Variants in SNTG2 observed in about 807,000 individuals in gnomAD.
SNTG2 encodes syntrophin gamma 2, also known as gamma-2-syntrophin.
SNTG2 carries 74 observed loss-of-function variants against 70.9 expected under a neutral mutation model. The observed-to-expected ratio is 1.04, with a 90% CI of 0.86 to 1.27. SNTG2 has a LOEUF of 1.27. Among genes scored for constraint, SNTG2 ranks in the 50% most tolerant of loss-of-function variants. The probability of loss-of-function intolerance (pLI) is 0.00; values close to 1 mark genes in which losing one functional copy is unlikely to be tolerated. For synonymous variants in SNTG2, 278 were observed against 273.8 expected, an observed-to-expected ratio of 1.02 and a Z score of -0.15; for missense variants, 717 against 690.7, an observed-to-expected ratio of 1.04 and a Z score of -0.43.
At chr2:1,098,483 A>C in intron 4 of SNTG2, 73 bp downstream of exon 4, 2 of 1,473,130 alleles carry the variant, frequency 1.4e-6, no homozygotes, top group Non-Finnish European at 1.9e-6. Flanking sequence ...AAAATGATAA[A>C]AATCAGCAGA....
chr2:1,253,997 A>G (rs28479774), intron 12 of SNTG2, among the ~76,000 whole-genome samples: 14,361 of 152,240 alleles, frequency 0.094, 733 homozygotes, highest in South Asian at 0.15. Flanking sequence ...GATCTCATGA[A>G]AACTCTATTA....
intron 14 of SNTG2, among the ~76,000 whole-genome samples, chr2:1,295,529 G>A (rs1383733344): frequency 6.6e-6 from 1 of 152,214 alleles, no homozygotes; most frequent in Non-Finnish European, 1.5e-5. Context: ...AGGAAATTTC[G>A]AGTGACATAG....
At chr2:1,143,399 C>T (rs553994967) in intron 6 of SNTG2, among the ~76,000 whole-genome samples, 4 of 152,230 alleles carry the variant, frequency 2.6e-5, no homozygotes, top group South Asian at 4.1e-4. Flanking sequence ...TTCTCCACTG[C>T]AGCTTTAAGC....
intron 8 of SNTG2, among the ~76,000 whole-genome samples, chr2:1,198,253 C>G (rs2147960146): frequency 6.6e-6 from 1 of 152,080 alleles, no homozygotes; most frequent in Non-Finnish European, 1.5e-5. Context: ...CCTGAACAAC[C>G]ATTGGGTCAA....
chr2:1,308,348 T>C (rs981555632), intron 14 of SNTG2, 146 bp from the exon 15 acceptor site: 1 of 696,308 alleles, frequency 1.4e-6, no homozygotes, highest in Non-Finnish European at 2.4e-6. Flanking sequence ...CCCGGGACCC[T>C]GCATCCTCCT....
chr2:1,335,110 C>T (rs1332022035), intron 16 of SNTG2, among the ~76,000 whole-genome samples: 1 of 152,184 alleles, frequency 6.6e-6, no homozygotes, highest in East Asian at 1.9e-4. Context: ...ACTTGGGGCC[C>T]AGCCACTGTG....
At chr2:1,109,672 G>T in intron 4 of SNTG2, among the ~76,000 whole-genome samples, 1 of 151,882 alleles carries the variant, frequency 6.6e-6, no homozygotes, top group South Asian at 2.1e-4. Flanking sequence ...ATCTCATTAG[G>T]TACAAAGAAA....
In SNTG2 at chr2:1,353,355, C is replaced by T. The variant is rs979674838; in HGVS notation, c.1489-13988C>T. Among the ~76,000 whole-genome samples, 2 of 152,180 alleles carry T rather than the reference C, an allele frequency of 1.3e-5. No individual in the cohort carries two copies. Among genetic ancestry groups the T allele is most frequent in the Non-Finnish European group, 2.9e-5 (2 of 68,040 alleles). ...AGTGCCTGGGGCCCTGGCTTGGACTCTCTGCAGCACCGCAAGTGTGGAATT... is the reference window on the plus strand; with the variant it reads ...AGTGCCTGGGGCCCTGGCTTGGACTTTCTGCAGCACCGCAAGTGTGGAATT... On this transcript the variant is annotated intron_variant, in intron 16 of 16. Transcript: ENST00000308624. This position sits in a 1 kb window ranked among gnomAD's most constrained non-coding sequence, Gnocchi z 4.2.
At chr2:1,329,325 T>A (rs1659377258) in intron 16 of SNTG2, among the ~76,000 whole-genome samples, 1 of 152,046 alleles carries the variant, frequency 6.6e-6, no homozygotes, top group African/African-American at 2.4e-5. Flanking sequence ...AAACCAAAGG[T>A]GTATGTGCAC....
chr2:1,176,078 C>T (rs1339112070), intron 8 of SNTG2, among the ~76,000 whole-genome samples: 1 of 152,132 alleles, frequency 6.6e-6, no homozygotes, highest in Non-Finnish European at 1.5e-5. Context: ...TGGAATATGT[C>T]ATCTTCAGAC....
chr2:1,049,270 A>G (rs1287023745), intron 1 of SNTG2, among the ~76,000 whole-genome samples: 1 of 152,184 alleles, frequency 6.6e-6, no homozygotes, highest in African/African-American at 2.4e-5. Context: ...TTATAGTTTC[A>G]TACAGAGTCA....
intron 9 of SNTG2, 105 bp downstream of exon 9, chr2:1,209,335 CA>C: frequency 7.4e-7 from 1 of 1,353,528 alleles, no homozygotes; most frequent in Non-Finnish European, 1.0e-6. Flanking sequence ...GTGACATTAG[CA>C]AGTGTGCGTG....
chr2:1,195,338 C>T (rs1672844746), intron 8 of SNTG2, among the ~76,000 whole-genome samples: 1 of 152,186 alleles, frequency 6.6e-6, no homozygotes, highest in African/African-American at 2.4e-5. Context: ...TCTACACTCC[C>T]ACCAACAGTG....
At chr2:1,335,105 G>A (rs1228884420) in intron 16 of SNTG2, among the ~76,000 whole-genome samples, 1 of 151,926 alleles carries the variant, frequency 6.6e-6, no homozygotes, top group Non-Finnish European at 1.5e-5. Context: ...TCTCAACTTG[G>A]GGCCCAGCCA....
chr2:1,294,413 G>T (rs974866249), intron 14 of SNTG2, among the ~76,000 whole-genome samples: 1 of 152,354 alleles, frequency 6.6e-6, no homozygotes, highest in East Asian at 1.9e-4. Context: ...AAATGTTTGA[G>T]AAATGAATGA....
chr2:1,144,379 A>G (rs1312812967), intron 6 of SNTG2, among the ~76,000 whole-genome samples: 1 of 152,194 alleles, frequency 6.6e-6, no homozygotes, highest in Non-Finnish European at 1.5e-5. Context: ...GGACATCTAC[A>G]GACTACTTCA....
intron 1 of SNTG2, among the ~76,000 whole-genome samples, chr2:966,945 T>TCAAA (rs201295058): frequency 6.3e-5 from 9 of 143,572 alleles, no homozygotes; most frequent in East Asian, 5.8e-4. Flanking sequence ...AGACTCTGTC[T>TCAAA]CAAACAAACA....
intron 14 of SNTG2, among the ~76,000 whole-genome samples, chr2:1,291,300 GT>G (rs1383283723): frequency 6.6e-6 from 1 of 152,138 alleles, no homozygotes; most frequent in Non-Finnish European, 1.5e-5. Context: ...CATTCTCTGG[GT>G]TGGATTTCCA....
chr2:1,137,840 TTTA>T, intron 6 of SNTG2, 31 bp downstream of exon 6: 1 of 1,563,316 alleles, frequency 6.4e-7, no homozygotes, highest in Non-Finnish European at 8.8e-7. Flanking sequence ...AGTTATTCTG[TTTA>T]TTATTCTTGT....
Sources: gnomAD v4.1 joint callset for allele counts (sites outside exome capture counted in the v4.1 genomes callset) on GRCh38, gnomAD v4.1.1 for gene constraint, Gnocchi (gnomAD v3.1) non-coding constraint, MANE v1.5 for transcripts, NCBI Gene and HGNC (gene_info 2026-07-23, HGNC 2026-07-21) for gene names.